KLF7: variants seen among roughly 807,000 people sequenced by gnomAD.
The protein encoded by KLF7 is KLF transcription factor 7.
Under a neutral mutation model 27.3 loss-of-function variants are expected in KLF7, and 2 were observed. The observed-to-expected ratio is 0.07, with a 90% confidence interval of 0.03 to 0.23. KLF7 has a LOEUF of 0.23. KLF7 is among the 10% of genes least tolerant of loss of function. KLF7 has a pLI of 1.00. For missense variants in KLF7, 221 were observed against 394.1 expected, an observed-to-expected ratio of 0.56 and a Z score of 3.72; for synonymous variants, 165 against 162.4, an observed-to-expected ratio of 1.02 and a Z score of -0.12.
intron 1 of KLF7, among the ~76,000 whole-genome samples, chr2:207,148,711 A>G (rs2078163066): frequency 2.0e-5 from 3 of 152,136 alleles, no homozygotes; most frequent in African/African-American, 4.8e-5. Flanking sequence ...TTGGCTGGAG[A>G]TGAATGGCAA....
At chr2:207,088,393 T>C (rs2076438572) in intron 3 of KLF7, 65 bp downstream of exon 3, 10 of 1,552,290 alleles carry the variant, frequency 6.4e-6, no homozygotes, top group African/African-American at 1.4e-5. Flanking sequence ...ACACGGGTGC[T>C]GCTCACCCTC....
rs149735146 is a variant in KLF7, at chr2:207,128,017, C to A, written c.103-3613G>T. ...TGAAAGAAGCTACAGGCAAAGATAA[C>A]CCCAGGAGCAATGAGCACACTTAGC... On this transcript the variant is annotated intron_variant, in intron 1 of 3. Coordinates refer to ENST00000309446, the MANE Select transcript of KLF7 (RefSeq NM_003709.4). 1.1e-4 allele frequency among the ~76,000 whole-genome samples: 17 copies of A among 152,246 alleles called. No homozygotes were observed. The East Asian group carries it at 3.3e-3, about 29-fold the overall frequency.
chr2:207,112,469 T>A (rs1013231807), intron 2 of KLF7, among the ~76,000 whole-genome samples: 3 of 152,192 alleles, frequency 2.0e-5, no homozygotes, highest in African/African-American at 7.2e-5. Context: ...CCTGCTTCAA[T>A]TGTGATAGGG....
chr2:207,149,296 G>C (rs2078178065), intron 1 of KLF7: 1 of 488,810 alleles, frequency 2.0e-6, no homozygotes, highest in African/African-American at 2.0e-5. Context: ...TTCTAGACTA[G>C]CCATACATTT....
intron 1 of KLF7, among the ~76,000 whole-genome samples, chr2:207,163,914 G>C (rs1287365910): frequency 6.6e-6 from 1 of 152,226 alleles, no homozygotes; most frequent in Admixed American, 6.5e-5. Flanking sequence ...CTCTCGTTAA[G>C]GATAAGGAAA....
At chr2:207,134,674 C>T (rs1021814197) in intron 1 of KLF7, among the ~76,000 whole-genome samples, 3 of 152,066 alleles carry the variant, frequency 2.0e-5, no homozygotes, top group African/African-American at 7.2e-5. Context: ...GCCACTCACT[C>T]CAATTAAAGA....
At position 207,080,453 on chromosome 2, in the gene KLF7, C is replaced by T. The variant is rs1175390909; in HGVS notation, c.*760G>A. On this transcript the variant is annotated 3_prime_UTR_variant, in exon 4 of 4. Coordinates refer to ENST00000309446, the MANE Select transcript of KLF7 (RefSeq NM_003709.4). ...TGCATATGGTGTGCAAAAGTCAAAA[C>T]GTAAGAAAAGAAAACTCCTCCCTTG... 7 of 174,438 alleles carry T rather than the reference C, an allele frequency of 4.0e-5. No individual in the cohort carries two copies. Among genetic ancestry groups the T allele is most frequent in the Non-Finnish European group, 7.2e-5 (6 of 83,136 alleles). 10.8% of individuals were successfully genotyped at this position (174,438 alleles called of 1,614,324 possible). A position where few individuals can be genotyped will look rare whatever the true frequency, so the allele number is the denominator to read the frequency against.
chr2:207,165,582 G>C lies in KLF7; in HGVS notation c.-14C>G, dbSNP rs554445190. The C allele has an allele frequency of 1.2e-6, 2 of 1,612,860 alleles. No individual in the cohort carries two copies. Among genetic ancestry groups the C allele is most frequent in the Non-Finnish European group, 1.7e-6 (2 of 1,179,976 alleles). On this transcript the variant is annotated 5_prime_UTR_variant, in exon 1 of 4. Transcript: ENST00000309446. Reference sequence around the variant, plus strand: ...CAACACGTCCATGCTGCTGCTGCCGGGCAAAACGGGAGGCGAAACCCTCCC... The same window carrying C: ...CAACACGTCCATGCTGCTGCTGCCGCGCAAAACGGGAGGCGAAACCCTCCC...
At chr2:207,141,820 G>A (rs566084950) in intron 1 of KLF7, among the ~76,000 whole-genome samples, 1 of 152,162 alleles carries the variant, frequency 6.6e-6, no homozygotes, top group South Asian at 2.1e-4. Flanking sequence ...TCCAAATTAT[G>A]GTATAACTGT....
chr2:207,107,763 A>T (rs1328965663), intron 2 of KLF7, among the ~76,000 whole-genome samples: 1 of 152,164 alleles, frequency 6.6e-6, no homozygotes, highest in Non-Finnish European at 1.5e-5. Flanking sequence ...ACCAGCTCAC[A>T]GTTCTCTCTG....
At chr2:207,142,530 C>T (rs2077972072) in intron 1 of KLF7, among the ~76,000 whole-genome samples, 2 of 152,210 alleles carry the variant, frequency 1.3e-5, no homozygotes, top group African/African-American at 2.4e-5. Context: ...TAACACAGCA[C>T]ATGCGACTAA....
chr2:207,091,574 C>T (rs143852045), intron 2 of KLF7, among the ~76,000 whole-genome samples: 2,301 of 152,258 alleles, frequency 0.015, 60 homozygotes, highest in African/African-American at 0.052. Context: ...CCTGCAAATA[C>T]TAATAAAAAA....
chr2:207,104,871 C>G (rs1159962722), intron 2 of KLF7, among the ~76,000 whole-genome samples: 1 of 152,166 alleles, frequency 6.6e-6, no homozygotes, highest in African/African-American at 2.4e-5. Flanking sequence ...TATTTAGATG[C>G]ACCTATATAA....
intron 1 of KLF7, 75 bp downstream of exon 1, chr2:207,165,392 C>CT: frequency 6.2e-7 from 1 of 1,601,456 alleles, no homozygotes; most frequent in South Asian, 1.1e-5. Flanking sequence ...AATTTCAACC[C>CT]AGAGCCCACA....
intron 3 of KLF7, among the ~76,000 whole-genome samples, chr2:207,084,941 T>A (rs2076352440): frequency 6.6e-6 from 1 of 151,740 alleles, no homozygotes; most frequent in African/African-American, 2.4e-5. Context: ...GGTGGGTGGA[T>A]CACTTGAGGT....
Position 207,081,229 on chromosome 2 carries a change from A to G in KLF7, c.893T>C (p.Met298Thr), listed in dbSNP as rs772264714. Residue 298 changes from methionine to threonine, a missense_variant, in exon 4 of 4, where the codon ATG (methionine) becomes ACG (threonine). Around this residue, in one of 3 missense-constraint regions of KLF7, gnomAD observed 30 missense variants for 115.4 expected, o/e 0.26. Coordinates refer to ENST00000309446, the MANE Select transcript of KLF7 (RefSeq NM_003709.4). The part of the protein sequence containing the change: ...FSRSDHLALH[M>T]KRHI ...TTCGGTTTTTTAGATATGTCTCTTC[A>G]TGTGGAGGGCAAGATGGTCAGACCT... 10 of 1,613,984 alleles carry G rather than the reference A, an allele frequency of 6.2e-6. No homozygotes were observed. In the East Asian group the frequency reaches 6.7e-5, roughly 11 times the overall value.
At position 207,079,344 on chromosome 2, in the gene KLF7, A is replaced by G. The variant is rs2076230032; in HGVS notation, c.*1869T>C. On this transcript the variant is annotated 3_prime_UTR_variant, in exon 4 of 4. Coordinates refer to ENST00000309446, the MANE Select transcript of KLF7 (RefSeq NM_003709.4). ...TTTTGACTTCAGTTTTGCATCCCAA[A>G]TATGTATGGGGTGGCATTTTAACAG... The G allele has an allele frequency of 1.3e-5, 2 of 152,166 alleles. No individual in the cohort carries two copies. The highest frequency in any genetic ancestry group is 2.9e-5 in the Non-Finnish European group (2 of 68,028). 9.4% of individuals were successfully genotyped at this position (152,166 alleles called of 1,614,324 possible).
chr2:207,165,983 AG>A (rs1201202578), upstream of KLF7: 9 of 995,754 alleles, frequency 9.0e-6, no homozygotes, highest in East Asian at 8.7e-4. Context: ...TTATTTTGGG[AG>A]GTTGCATTTT....
chr2:207,158,956 G>A (rs976010122), intron 1 of KLF7, among the ~76,000 whole-genome samples: 1 of 152,156 alleles, frequency 6.6e-6, no homozygotes, highest in African/African-American at 2.4e-5. Flanking sequence ...TTAATAAGCT[G>A]TGTGACCTTG....
Sources: gnomAD v4.1 joint callset for allele counts (sites outside exome capture counted in the v4.1 genomes callset) on GRCh38, gnomAD v4.1.1 for gene constraint, gnomAD v4.1.1 regional missense constraint, MANE v1.5 for transcripts, NCBI Gene and HGNC (gene_info 2026-07-23, HGNC 2026-07-21) for gene names.